MALT1: variants seen among roughly 807,000 people sequenced by gnomAD.
MALT1 encodes mucosa-associated lymphoid tissue lymphoma translocation protein 1.
A neutral mutation model predicts 85.5 loss-of-function variants in MALT1; 36 were observed. The ratio of observed to expected loss-of-function variants is 0.42; its 90% CI spans 0.32 to 0.56. MALT1 has a LOEUF of 0.56. MALT1 is among the 20% of genes least tolerant of loss of function. MALT1 has a pLI of 0.10. For missense variants in MALT1, 716 were observed against 981.6 expected (o/e 0.73, Z 3.62); for synonymous variants, 359 against 361.3 (o/e 0.99, Z 0.07).
intron 10 of MALT1, among the ~76,000 whole-genome samples, chr18:58,729,111 A>G (rs2055107336): frequency 6.6e-6 from 1 of 152,190 alleles, no homozygotes; most frequent in Non-Finnish European, 1.5e-5. Flanking sequence ...TATTTTTGTT[A>G]CATCTATAGT....
chr18:58,719,891 A>T (rs781164497), intron 9 of MALT1, among the ~76,000 whole-genome samples: 3 of 151,156 alleles, frequency 2.0e-5, no homozygotes, highest in Non-Finnish European at 4.4e-5. Context: ...TGATTTTTAA[A>T]TAAATACTTA....
intron 3 of MALT1, among the ~76,000 whole-genome samples, chr18:58,696,853 A>C (rs2054597792): frequency 6.6e-6 from 1 of 152,226 alleles, no homozygotes; most frequent in Non-Finnish European, 1.5e-5. Context: ...GCTATATGGA[A>C]AGTTAATGTG....
intron 14 of MALT1, among the ~76,000 whole-genome samples, chr18:58,743,501 CTCTAAAAAAGA>C (rs1482011857): frequency 7.9e-5 from 12 of 151,524 alleles, no homozygotes; most frequent in Non-Finnish European, 1.5e-4. Context: ...AATGTCTTTT[CTCTAAAAAAGA>C]TCTAAACAAC....
chr18:58,743,060 T>C (rs2055323506), intron 14 of MALT1, among the ~76,000 whole-genome samples: 1 of 152,178 alleles, frequency 6.6e-6, no homozygotes, highest in Admixed American at 6.5e-5. Context: ...CTATAAAATA[T>C]CTTTATTTTC....
chr18:58,733,331 C>T (rs1267128819), intron 10 of MALT1, 66 bp from the exon 11 acceptor site: 2 of 1,018,644 alleles, frequency 2.0e-6, no homozygotes, highest in East Asian at 4.8e-5. Flanking sequence ...AAAAGTTATG[C>T]AGTCTGTATG....
At chr18:58,740,181 T>C (rs1327064591) in intron 13 of MALT1, among the ~76,000 whole-genome samples, 1 of 152,226 alleles carries the variant, frequency 6.6e-6, no homozygotes, top group African/African-American at 2.4e-5. Flanking sequence ...GCCTTATCCA[T>C]AGTTATATAT....
chr18:58,681,026 C>T, intron 1 of MALT1, 144 bp from the exon 2 acceptor site: 2 of 525,016 alleles, frequency 3.8e-6, no homozygotes, highest in Non-Finnish European at 6.7e-6. Flanking sequence ...GGAAAGGATA[C>T]TCGCATTCAT....
intron 2 of MALT1, among the ~76,000 whole-genome samples, chr18:58,685,085 G>A (rs2054381941): frequency 6.6e-6 from 1 of 152,074 alleles, no homozygotes; most frequent in African/African-American, 2.4e-5. Flanking sequence ...TATATAGTAA[G>A]TTTATCTGAT....
intron 2 of MALT1, among the ~76,000 whole-genome samples, chr18:58,692,573 A>G (rs760774727): frequency 2.4e-4 from 37 of 152,012 alleles, no homozygotes; most frequent in Non-Finnish European, 4.6e-4. Context: ...AATCGTCTCT[A>G]AGTGTTCAAG....
chr18:58,686,284 C>T (rs1397642404), intron 2 of MALT1, among the ~76,000 whole-genome samples: 1 of 152,212 alleles, frequency 6.6e-6, no homozygotes, highest in Non-Finnish European at 1.5e-5. Flanking sequence ...GCCTCGGCCT[C>T]CCAAAGTACT....
intron 16 of MALT1, 79 bp downstream of exon 16, chr18:58,745,870 A>G: frequency 1.6e-6 from 2 of 1,282,554 alleles, no homozygotes; most frequent in Non-Finnish European, 2.2e-6. Context: ...GACCATAGAT[A>G]TGCTGCCTTA....
In MALT1 at chr18:58,740,532, ATATAATAT is replaced by A. The variant is rs1244833685; in HGVS notation, c.1604-1329_1604-1322del. On this transcript the variant is annotated intron_variant, in intron 13 of 16. Transcript: ENST00000649217. ...TTTTTTTTTCTTTGACCTTTAAGTT[ATATAATAT>A]TATCTTTAATTTTCAAATATGGCAG... Among the ~76,000 whole-genome samples the A allele has an allele frequency of 1.1e-3, 164 of 151,800 alleles. 3 individuals carry two copies. In the South Asian group the frequency reaches 0.032, roughly 30 times the overall value.
intron 10 of MALT1, among the ~76,000 whole-genome samples, chr18:58,728,831 A>T (rs2055103011): frequency 1.3e-5 from 2 of 152,130 alleles, no homozygotes; most frequent in Non-Finnish European, 2.9e-5. Context: ...ACAGAACAAC[A>T]TTCAGCTTTT....
At position 58,733,377 on chromosome 18, in the gene MALT1, CTTAT is replaced by C. The variant is rs748110473; in HGVS notation, c.1223-17_1223-14del. On this transcript the variant is annotated splice_polypyrimidine_tract_variant and intron_variant, in intron 10 of 16. Coordinates refer to ENST00000649217, the MANE Select transcript of MALT1 (RefSeq NM_006785.4). ...ATTTAGAATTGACATCTATCTCTCTCTTATTTTTCCTCTTTTCAGGGTTATTATA... is the reference window on the plus strand; with the variant it reads ...ATTTAGAATTGACATCTATCTCTCTCTTTTCCTCTTTTCAGGGTTATTATA... The C allele has an allele frequency of 3.3e-6, 5 of 1,518,078 alleles. No homozygotes were observed. The highest frequency in any genetic ancestry group is 4.5e-6 in the Non-Finnish European group (5 of 1,109,748). The allele number at this position is 1,518,078 out of a possible 1,614,324, so 94.0% of individuals were successfully genotyped here.
chr18:58,740,820 C>T (rs570510320), intron 13 of MALT1, among the ~76,000 whole-genome samples: 97 of 152,246 alleles, frequency 6.4e-4, no homozygotes, highest in African/African-American at 2.2e-3. Context: ...TATATTTCTG[C>T]TGATTGTCTC....
rs2055386115 is a variant in MALT1, at chr18:58,747,514, A to C, written c.2147A>C (p.Asp716Ala). Reference protein sequence around the residue: ...NVGKPLIAKLDMHRGLGRKTC... With the variant: ...NVGKPLIAKLAMHRGLGRKTC... ...GGGAAACCTCTCATTGCTAAATTAG[A>C]CATGCATCGAGGTTTGGGAAGGAAG... Residue 716 changes from aspartate to alanine, a missense_variant, in exon 17 of 17, where the codon GAC (aspartate) becomes GCC (alanine). Asp to Ala is a moderately radical substitution (Grantham distance 126). Around this residue, in one of 4 missense-constraint regions of MALT1, gnomAD observed 260 missense variants for 323.7 expected, o/e 0.80. Transcript: ENST00000649217. 4.3e-6 allele frequency: 7 copies of C among 1,614,112 alleles called. No individual in the cohort carries two copies. Among genetic ancestry groups the C allele is most frequent in the Non-Finnish European group, 5.9e-6 (7 of 1,179,936 alleles).
intron 12 of MALT1, 71 bp downstream of exon 12, chr18:58,734,452 A>G: frequency 8.2e-7 from 1 of 1,216,946 alleles, no homozygotes. Flanking sequence ...GCTTTTTAGG[A>G]GCAGGGGTCT....
At chr18:58,714,178 G>T in intron 8 of MALT1, 69 bp downstream of exon 8, 2 of 743,234 alleles carry the variant, frequency 2.7e-6, no homozygotes, top group Non-Finnish European at 4.5e-6. Context: ...AGTTACCGTA[G>T]GTACTCTTTT....
At chr18:58,689,256 T>C (rs2054458682) in intron 2 of MALT1, among the ~76,000 whole-genome samples, 2 of 93,018 alleles carry the variant, frequency 2.2e-5, no homozygotes, top group African/African-American at 1.8e-4. Context: ...CATTTTACAA[T>C]GTAAAAAAAA....
Sources: allele counts gnomAD v4.1 joint callset (sites outside exome capture counted in the v4.1 genomes callset), GRCh38; gene constraint gnomAD v4.1.1; regional missense constraint gnomAD v4.1.1; transcripts MANE v1.5; gene names NCBI Gene and HGNC (gene_info 2026-07-23, HGNC 2026-07-21).